The following CRTC1 variants were observed in gnomAD, a reference collection of about 807,000 sequenced individuals.
The protein encoded by CRTC1 is CREB-regulated transcription coactivator 1.
Under a neutral mutation model 66.1 loss-of-function variants are expected in CRTC1, and 18 were observed. That is an observed-to-expected ratio of 0.27 (90% CI 0.19 to 0.40). The LOEUF (loss-of-function observed/expected upper bound fraction) is 0.40, where lower values mean the gene tolerates loss of function less well. CRTC1 is among the 10% of genes least tolerant of loss of function. CRTC1 has a pLI of 1.00. For synonymous variants in CRTC1, 416 were observed against 398.8 expected (o/e 1.04, Z -0.51); for missense variants, 669 against 887.9 (o/e 0.75, Z 3.13).
chr19:18,688,878 C>T (rs1020693820), intron 1 of CRTC1, among the ~76,000 whole-genome samples: 3 of 152,090 alleles, frequency 2.0e-5, no homozygotes, highest in Non-Finnish European at 4.4e-5. Context: ...AGACCCTGTC[C>T]CCATCAACAG....
chr19:18,703,069 A>T (rs1010160848), intron 1 of CRTC1, among the ~76,000 whole-genome samples: 1 of 149,050 alleles, frequency 6.7e-6, no homozygotes, highest in African/African-American at 2.5e-5. Context: ...TGTAAGCTCC[A>T]CCTCCTGGGT....
At chr19:18,703,223 C>T (rs891399792) in intron 1 of CRTC1, among the ~76,000 whole-genome samples, 5 of 151,910 alleles carry the variant, frequency 3.3e-5, no homozygotes, top group Admixed American at 6.6e-5. Flanking sequence ...AGGATAGAGA[C>T]GGGGTTTCAC....
chr19:18,735,380 T>C (rs2053974971), intron 1 of CRTC1, among the ~76,000 whole-genome samples: 1 of 152,204 alleles, frequency 6.6e-6, no homozygotes, highest in African/African-American at 2.4e-5. Flanking sequence ...TTTGTTCTGC[T>C]TGATCCAGGG....
chr19:18,765,256 T>G, intron 8 of CRTC1, 148 bp from the exon 9 acceptor site: 1 of 1,178,700 alleles, frequency 8.5e-7, no homozygotes, highest in Admixed American at 2.5e-5. Flanking sequence ...CTTCGGGGGG[T>G]GCCCAGGTTT....
intron 1 of CRTC1, among the ~76,000 whole-genome samples, chr19:18,698,528 CAG>C (rs1322667437): frequency 6.6e-6 from 1 of 151,438 alleles, no homozygotes; most frequent in Non-Finnish European, 1.5e-5. Context: ...TCAGCAGGCA[CAG>C]TGTGTACTCA....
intron 9 of CRTC1, among the ~76,000 whole-genome samples, chr19:18,766,405 C>T (rs1173171197): frequency 6.7e-6 from 1 of 150,022 alleles, no homozygotes; most frequent in Non-Finnish European, 1.5e-5. Context: ...TCCAAAAGTG[C>T]TGGGATTACA....
intron 1 of CRTC1, among the ~76,000 whole-genome samples, chr19:18,690,326 A>G (rs920758730): frequency 6.6e-6 from 1 of 152,140 alleles, no homozygotes; most frequent in African/African-American, 2.4e-5. Flanking sequence ...GTGGTGGCTC[A>G]GGTTAGCTGA....
chr19:18,779,435 G>A lies in CRTC1; in HGVS notation c.*2053G>A, dbSNP rs931023922. ...GGTCCCTTTCTCTTACCATGACAGA[G>A]GCTGGGGGCAGACAGCGGGGACTTT... On this transcript the variant is annotated 3_prime_UTR_variant, in exon 14 of 14. Coordinates refer to ENST00000321949, the MANE Select transcript of CRTC1 (RefSeq NM_015321.3). 1.8e-5 allele frequency: 4 copies of A among 224,288 alleles called. No individual in the cohort carries two copies. Among genetic ancestry groups the A allele is most frequent in the African/African-American group, 8.9e-5 (4 of 44,752 alleles). The allele number at this position is 224,288 out of a possible 1,614,324, so 13.9% of individuals were successfully genotyped here.
chr19:18,717,053 GT>G (rs1408353283), intron 1 of CRTC1, among the ~76,000 whole-genome samples: 1 of 152,216 alleles, frequency 6.6e-6, no homozygotes, highest in African/African-American at 2.4e-5. Flanking sequence ...GCATGAATGT[GT>G]TTATGTGACT....
intron 8 of CRTC1, among the ~76,000 whole-genome samples, chr19:18,762,415 G>C (rs1332367794): frequency 6.6e-6 from 1 of 152,230 alleles, no homozygotes; most frequent in Non-Finnish European, 1.5e-5. Context: ...ATCAAGCCGA[G>C]CTGCCGGCCC....
At chr19:18,737,452 T>G (rs2054022206) in intron 1 of CRTC1, among the ~76,000 whole-genome samples, 1 of 152,028 alleles carries the variant, frequency 6.6e-6, no homozygotes. Context: ...CCATGTGACT[T>G]CAGTCATGCT....
intron 1 of CRTC1, among the ~76,000 whole-genome samples, chr19:18,720,023 A>T (rs530364213): frequency 6.6e-6 from 1 of 152,218 alleles, no homozygotes; most frequent in East Asian, 1.9e-4. Context: ...GCATTATTCA[A>T]TTGGTGATAA....
chr19:18,775,026 G>A (rs759281998), intron 12 of CRTC1, 40 bp downstream of exon 12: 13 of 1,579,138 alleles, frequency 8.2e-6, no homozygotes, highest in Non-Finnish European at 1.1e-5. Flanking sequence ...CGGTGCCCAG[G>A]ACAGATGCTT....
At position 18,760,381 on chromosome 19, in the gene CRTC1, G is replaced by A. The variant is rs1484455819; in HGVS notation, c.886+153G>A. 6.6e-6 allele frequency among the ~76,000 whole-genome samples: 1 copy of A among 152,172 alleles called. No homozygotes were observed. The highest frequency in any genetic ancestry group is 1.5e-5 in the Non-Finnish European group (1 of 68,010). ...CGACAGGCTGACCCAGCGGGCACAG[G>A]CATCCCAGGTAGGGGTGGGGCCTGG... On this transcript the variant is annotated intron_variant, in intron 8 of 13. Coordinates refer to ENST00000321949, the MANE Select transcript of CRTC1 (RefSeq NM_015321.3). The surrounding 1 kb of genome is among the most constrained non-coding windows in gnomAD (Gnocchi z 6.2).
chr19:18,764,081 G>A (rs549641968), intron 8 of CRTC1, among the ~76,000 whole-genome samples: 9 of 152,278 alleles, frequency 5.9e-5, no homozygotes, highest in South Asian at 2.1e-4. Flanking sequence ...CAGGGCATCC[G>A]AGGGGAAGTG....
intron 13 of CRTC1, among the ~76,000 whole-genome samples, chr19:18,776,552 C>T (rs1306045832): frequency 6.6e-6 from 1 of 152,222 alleles, no homozygotes; most frequent in Non-Finnish European, 1.5e-5. Context: ...CTCCTTCCCA[C>T]CCCTCGGGTG....
At chr19:18,702,819 AGTCTCT>A (rs2053178003) in intron 1 of CRTC1, among the ~76,000 whole-genome samples, 1 of 152,042 alleles carries the variant, frequency 6.6e-6, no homozygotes, top group African/African-American at 2.4e-5. Flanking sequence ...CACAGGAGAT[AGTCTCT>A]TAGACTTTGT....
At position 18,749,873 on chromosome 19, in the gene CRTC1, G is replaced by C. The variant is rs1368743899; in HGVS notation, c.536G>C (p.Arg179Thr). 6.2e-7 allele frequency: 1 copy of C among 1,613,590 alleles called. No homozygotes were observed. Among genetic ancestry groups the C allele is most frequent in the Non-Finnish European group, 8.5e-7 (1 of 1,179,594 alleles). Residue 179 changes from arginine to threonine, a missense_variant and splice_region_variant, in exon 5 of 14, where the codon AGA becomes ACA. By Grantham distance (71) the Arg-to-Thr change is moderately conservative. Coordinates refer to ENST00000321949, the MANE Select transcript of CRTC1 (RefSeq NM_015321.3). ...SSGSQDVHQK[R>T]VLLLTVPGME... ...GGGTCCCAGGACGTGCACCAGAAAA[G>C]AGGTATGGACAGGGGACTCGGGTGT...
At chr19:18,689,583 A>ATATATATATATATATATGTATG (rs60084986) in intron 1 of CRTC1, among the ~76,000 whole-genome samples, 51 of 65,714 alleles carry the variant, frequency 7.8e-4, no homozygotes, top group African/African-American at 4.1e-3. Flanking sequence ...ATATATATAT[A>ATATATATATATATATATGTATG]TATGTAATAT....
Sources: allele counts gnomAD v4.1 joint callset (sites outside exome capture counted in the v4.1 genomes callset), GRCh38; gene constraint gnomAD v4.1.1; non-coding constraint Gnocchi (gnomAD v3.1); transcripts MANE v1.5; gene names NCBI Gene and HGNC (gene_info 2026-07-23, HGNC 2026-07-21).